CIT: variants seen among roughly 807,000 people sequenced by gnomAD.
The protein encoded by CIT is citron rho-interacting serine/threonine kinase, also known as citron Rho-interacting kinase.
Under a neutral mutation model 272.7 loss-of-function variants are expected in CIT, and 79 were observed. That is an observed-to-expected ratio of 0.29 (90% CI 0.24 to 0.35). CIT has a LOEUF of 0.35. Among genes scored for constraint, CIT ranks in the 10% least tolerant of loss-of-function variants. The pLI is 1.00. For synonymous variants in CIT, 948 were observed against 995.6 expected (o/e 0.95, Z 0.90); for missense variants, 1,909 against 2,618.3 (o/e 0.73, Z 5.91).
intron 22 of CIT, among the ~76,000 whole-genome samples, chr12:119,753,009 T>C (rs2137425228): frequency 6.6e-6 from 1 of 152,246 alleles, no homozygotes; most frequent in South Asian, 2.1e-4. Context: ...TTGAAGAATA[T>C]GCAGGAGTCA....
At chr12:119,753,540 G>C (rs1385761744) in intron 22 of CIT, among the ~76,000 whole-genome samples, 1 of 152,004 alleles carries the variant, frequency 6.6e-6, no homozygotes, top group Non-Finnish European at 1.5e-5. Context: ...TTCGAGACCA[G>C]CCTGGCCAGC....
At chr12:119,875,986 T>A (rs1950831522) in intron 2 of CIT, 87 bp downstream of exon 2, 1 of 840,020 alleles carries the variant, frequency 1.2e-6, no homozygotes, top group African/African-American at 1.7e-5. Flanking sequence ...TCTAAATAAA[T>A]AAACAAATAA....
In CIT at chr12:119,712,010, C is replaced by T. The variant is rs1957184684; in HGVS notation, c.4854+168G>A. 6.6e-6 allele frequency among the ~76,000 whole-genome samples: 1 copy of T among 152,048 alleles called. No individual in the cohort carries two copies. ...CACACAAGCTACCTTGGTGCTTGTGCCTTCATCACCACCAGACTCCTGGCC... is the reference window on the plus strand; with the variant it reads ...CACACAAGCTACCTTGGTGCTTGTGTCTTCATCACCACCAGACTCCTGGCC... On this transcript the variant is annotated intron_variant, in intron 37 of 47. Transcript: ENST00000392521. This position sits in a 1 kb window ranked among gnomAD's most constrained non-coding sequence, Gnocchi z 5.2.
intron 25 of CIT, 134 bp downstream of exon 25, chr12:119,735,026 A>T (rs1457153725): frequency 1.3e-6 from 1 of 796,382 alleles, no homozygotes; most frequent in South Asian, 1.8e-5. Context: ...GCTTGGAAAA[A>T]AGACATGATT....
chr12:119,823,464 AC>A (rs1228748236), intron 8 of CIT, among the ~76,000 whole-genome samples: 1 of 152,070 alleles, frequency 6.6e-6, no homozygotes, highest in African/African-American at 2.4e-5. Context: ...ATCCCTGTAA[AC>A]CTGCTACCTA....
intron 24 of CIT, among the ~76,000 whole-genome samples, chr12:119,737,970 G>A (rs1958867723): frequency 6.6e-6 from 1 of 152,176 alleles, no homozygotes; most frequent in Non-Finnish European, 1.5e-5. Context: ...GACATAGGCA[G>A]TAAATTAATG....
chr12:119,876,264 C>G, intron 1 of CIT, 83 bp from the exon 2 acceptor site: 1 of 823,832 alleles, frequency 1.2e-6, no homozygotes, highest in Non-Finnish European at 2.0e-6. Flanking sequence ...CTCAAGATAT[C>G]AGGGACAAGG....
In CIT at chr12:119,804,409, G is replaced by A; in HGVS notation, c.1112-1020C>T. ...ACATCCCCCGCAGTGCAGGCTGCAT[G>A]CTCCCGGCTCCGTGCGTGCGTGCTC... On this transcript the variant is annotated intron_variant, in intron 9 of 47. Transcript: ENST00000392521. The surrounding 1 kb of genome is among the most constrained non-coding windows in gnomAD (Gnocchi z 5.3). 1.0e-6 allele frequency: 1 copy of A among 985,664 alleles called. No homozygotes were observed. Among genetic ancestry groups the A allele is most frequent in the Non-Finnish European group, 1.2e-6 (1 of 830,122 alleles). The allele number at this position is 985,664 out of a possible 1,614,324, so 61.1% of individuals were successfully genotyped here. A position where few individuals can be genotyped will look rare whatever the true frequency, so the allele number is the denominator to read the frequency against.
intron 2 of CIT, among the ~76,000 whole-genome samples, chr12:119,871,261 T>A (rs1950669024): frequency 6.6e-6 from 1 of 152,092 alleles, no homozygotes; most frequent in South Asian, 2.1e-4. Flanking sequence ...CCCAGCTGAA[T>A]GTAGCCCCAC....
rs562704541 is a variant in CIT at position 119,770,261 on chromosome 12, A to AAAT, written c.2208+521_2208+523dup. 6.6e-6 allele frequency among the ~76,000 whole-genome samples: 1 copy of AAAT among 152,122 alleles called. No homozygotes were observed. Among genetic ancestry groups the AAAT allele is most frequent in the African/African-American group, 2.4e-5 (1 of 41,434 alleles). On this transcript the variant is annotated intron_variant, in intron 18 of 47. Transcript: ENST00000392521. This position sits in a 1 kb window ranked among gnomAD's most constrained non-coding sequence, Gnocchi z 4.4. ...CCTGCTATATCTAAGGAAATTGAAA[A>AAAT]AATAATAATAATAATAACCAACTGT...
chr12:119,832,791 T>C lies in CIT; in HGVS notation c.733A>G (p.Lys245Glu). 6.2e-7 allele frequency: 1 copy of C among 1,613,904 alleles called. No homozygotes were observed. The change falls in exon 7 of 48, where the codon AAA becomes GAA. Residue 245 changes from lysine (K) to glutamate (E), a missense_variant. This residue lies in a region of CIT where 529 missense variants were observed against 549.6 expected (regional missense o/e 0.96). Transcript: ENST00000392521. ...IKLVDFGSAA[K>E]MNSNKMVNAK... ...TTTACCATCTTGTTTGAATTCATTT[T>C]CGCGGCAGATCCAAAATCCACCAGC...
intron 2 of CIT, among the ~76,000 whole-genome samples, chr12:119,869,918 C>G (rs1021017294): frequency 6.6e-6 from 1 of 152,188 alleles, no homozygotes; most frequent in East Asian, 1.9e-4. Context: ...CTGCCCCTCC[C>G]GGTAGCAGAT....
chr12:119,742,391 T>C lies in CIT; in HGVS notation c.2958+20A>G. 1 of 1,577,978 alleles carries C rather than the reference T, an allele frequency of 6.3e-7. No homozygotes were observed. Among genetic ancestry groups the C allele is most frequent in the Non-Finnish European group, 8.6e-7 (1 of 1,162,336 alleles). ...TTAGTTTCATGTTATTTTAATCGTC[T>C]TTGGGTAATTAATACTCACAGTACA... On this transcript the variant is annotated intron_variant, in intron 24 of 47. Coordinates refer to ENST00000392521, the MANE Select transcript of CIT (RefSeq NM_001206999.2).
At chr12:119,757,673 G>A (rs1961192644) in intron 21 of CIT, 128 bp from the exon 22 acceptor site, 1 of 1,199,010 alleles carries the variant, frequency 8.3e-7, no homozygotes, top group Admixed American at 2.4e-5. Context: ...GCCATTCCTG[G>A]GTTAGCTGTC....
At chr12:119,794,376 C>A (rs1593773383) in intron 10 of CIT, among the ~76,000 whole-genome samples, 1 of 152,278 alleles carries the variant, frequency 6.6e-6, no homozygotes, top group East Asian at 1.9e-4. Context: ...TAAAGGAATC[C>A]AAAATGAGAA....
intron 47 of CIT, 107 bp from the exon 48 acceptor site, chr12:119,688,362 G>C: frequency 1.8e-6 from 2 of 1,123,608 alleles, no homozygotes; most frequent in Non-Finnish European, 2.7e-6. Flanking sequence ...ATCCCCTTCA[G>C]CAGCTAGCAG....
In CIT at chr12:119,818,372, T is replaced by G. The variant is rs190073525; in HGVS notation, c.1111+4448A>C. 4.6e-5 allele frequency among the ~76,000 whole-genome samples: 7 copies of G among 152,276 alleles called. No homozygotes were observed. The East Asian group carries it at 1.3e-3, about 29-fold the overall frequency. On this transcript the variant is annotated intron_variant, in intron 9 of 47. Transcript: ENST00000392521. ...TTCTACACACAAAAATTTGTAAGAC[T>G]TTCACCTGAAGCTAAGTAGGCACAG...
chr12:119,690,523 T>G lies in CIT; in HGVS notation c.5883-69A>C. On this transcript the variant is annotated intron_variant, in intron 46 of 47. Coordinates refer to ENST00000392521, the MANE Select transcript of CIT (RefSeq NM_001206999.2). The surrounding 1 kb of genome is among the most constrained non-coding windows in gnomAD (Gnocchi z 6.0). ...CCAGAGGGGCATTTTCCTTCTTACC[T>G]GAGCAACCCCCTCCTTGACCCAGCC... is the stretch of plus-strand genomic sequence containing the variant. The G allele has an allele frequency of 7.1e-7, 1 of 1,412,048 alleles. No individual in the cohort carries two copies. Among genetic ancestry groups the G allele is most frequent in the African/African-American group, 1.5e-5 (1 of 67,788 alleles). The allele number at this position is 1,412,048 out of a possible 1,614,324, so 87.5% of individuals were successfully genotyped here. A position where few individuals can be genotyped will look rare whatever the true frequency, so the allele number is the denominator to read the frequency against.
chr12:119,762,835 T>A (rs1961976775), intron 19 of CIT, among the ~76,000 whole-genome samples: 1 of 152,020 alleles, frequency 6.6e-6, no homozygotes. Context: ...GGACAGAAGT[T>A]TGAGACCAGC....
Sources: gnomAD v4.1 joint callset for allele counts (sites outside exome capture counted in the v4.1 genomes callset) on GRCh38, gnomAD v4.1.1 for gene constraint, gnomAD v4.1.1 regional missense constraint, Gnocchi (gnomAD v3.1) non-coding constraint, MANE v1.5 for transcripts, NCBI Gene and HGNC (gene_info 2026-07-23, HGNC 2026-07-21) for gene names.